VPS13B: variants seen among roughly 807,000 people sequenced by gnomAD.
VPS13B encodes the protein vacuolar protein sorting 13 homolog B, also known as intermembrane lipid transfer protein VPS13B.
Under a neutral mutation model 426.4 loss-of-function variants are expected in VPS13B, and 285 were observed. That is an observed-to-expected ratio of 0.67 (90% CI 0.61 to 0.74). The LOEUF (loss-of-function observed/expected upper bound fraction) is 0.74. VPS13B is among the 30% of genes least tolerant of loss of function. The probability of loss-of-function intolerance (pLI) is 0.00; values close to 1 mark genes in which losing one functional copy is unlikely to be tolerated. For missense variants in VPS13B, 4,537 were observed against 4,782.6 expected, an observed-to-expected ratio of 0.95 and a Z score of 1.51; for synonymous variants, 1,676 against 1,676.4, an observed-to-expected ratio of 1.00 and a Z score of 0.01.
chr8:99,088,309 A>G (rs932963583), intron 3 of VPS13B, among the ~76,000 whole-genome samples: 1 of 151,852 alleles, frequency 6.6e-6, no homozygotes, highest in South Asian at 2.1e-4. Flanking sequence ...TATATGACTC[A>G]TGGTCAGGCA....
intron 19 of VPS13B, among the ~76,000 whole-genome samples, chr8:99,364,237 A>G (rs1375000528): frequency 6.6e-6 from 1 of 152,194 alleles, no homozygotes; most frequent in Non-Finnish European, 1.5e-5. Context: ...TTTTCTCCTT[A>G]ATTCTGTTGA....
At chr8:99,190,105 C>T (rs550910220) in intron 16 of VPS13B, among the ~76,000 whole-genome samples, 6 of 151,940 alleles carry the variant, frequency 3.9e-5, no homozygotes, top group African/African-American at 1.4e-4. Context: ...GTATGTATTT[C>T]GGAGATGTGT....
intron 19 of VPS13B, among the ~76,000 whole-genome samples, chr8:99,289,032 T>TGAATGA (rs1819585857): frequency 6.8e-6 from 1 of 146,654 alleles, no homozygotes; most frequent in Non-Finnish European, 1.5e-5. Flanking sequence ...CCCCTGCCTC[T>TGAATGA]ATGAATGAAT....
At chr8:99,771,416 C>G (rs971488448) in intron 40 of VPS13B, among the ~76,000 whole-genome samples, 2 of 152,146 alleles carry the variant, frequency 1.3e-5, no homozygotes, top group African/African-American at 4.8e-5. Context: ...AAAAATTAAA[C>G]CTCTGGCGAG....
At chr8:99,379,086 C>T (rs574675989) in intron 19 of VPS13B, among the ~76,000 whole-genome samples, 2 of 152,106 alleles carry the variant, frequency 1.3e-5, no homozygotes, top group East Asian at 1.9e-4. Flanking sequence ...GGAACGCAAA[C>T]CCTATTATGA....
chr8:99,357,850 C>T (rs1366991105), intron 19 of VPS13B, among the ~76,000 whole-genome samples: 1 of 152,190 alleles, frequency 6.6e-6, no homozygotes, highest in Non-Finnish European at 1.5e-5. Context: ...TCTTCATCAA[C>T]ATTAGTTAAA....
chr8:99,351,929 A>G lies in VPS13B; in HGVS notation c.2825-32279A>G, dbSNP rs77233985. On this transcript the variant is annotated intron_variant, in intron 19 of 61. Coordinates refer to ENST00000357162, the MANE Select transcript of VPS13B (RefSeq NM_152564.5). The stretch of plus-strand genomic sequence containing the variant: ...TATCCAGAAGGGAAAAGAGACATAT[A>G]TATTATTAATAAATCAGTGTGGTAG... Among the ~76,000 whole-genome samples the G allele has an allele frequency of 2.3e-3, 355 of 152,278 alleles. 9 individuals are homozygous for G. The East Asian group carries it at 0.049, about 21-fold the overall frequency.
intron 2 of VPS13B, among the ~76,000 whole-genome samples, chr8:99,032,193 T>C (rs768594545): frequency 3.9e-5 from 6 of 152,236 alleles, no homozygotes; most frequent in Non-Finnish European, 8.8e-5. Flanking sequence ...GGAGTTTCTG[T>C]ACCTCAGAAG....
chr8:99,667,891 C>T (rs1005264830), intron 35 of VPS13B, among the ~76,000 whole-genome samples: 1 of 152,048 alleles, frequency 6.6e-6, no homozygotes, highest in Non-Finnish European at 1.5e-5. Flanking sequence ...GAATAGGATA[C>T]TAAGAGGAAT....
intron 26 of VPS13B, 147 bp from the exon 27 acceptor site, chr8:99,502,689 T>C: frequency 1.4e-6 from 1 of 709,628 alleles, no homozygotes; most frequent in Non-Finnish European, 2.5e-6. Context: ...AGGCCTATGC[T>C]GATTTGCTTA....
intron 28 of VPS13B, among the ~76,000 whole-genome samples, chr8:99,508,093 T>C (rs1821593848): frequency 6.6e-6 from 1 of 152,166 alleles, no homozygotes; most frequent in African/African-American, 2.4e-5. Context: ...TGTTTCTGGG[T>C]CACTTGCATG....
rs116147815 is a variant in VPS13B at position 99,312,758 on chromosome 8, A to G, written c.2824+37504A>G. 3.3e-3 allele frequency among the ~76,000 whole-genome samples: 507 copies of G among 152,218 alleles called. 2 individuals carry two copies. The highest frequency in any genetic ancestry group is 0.011 in the African/African-American group (451 of 41,522). ...AAGTTCTCCGGATAATATCTTGCAG[A>G]TTGTTTTCTGACTTGGTTCCATTCT... On this transcript the variant is annotated intron_variant, in intron 19 of 61. Transcript: ENST00000357162.
At chr8:99,587,569 A>G (rs1254172122) in intron 33 of VPS13B, among the ~76,000 whole-genome samples, 2 of 151,678 alleles carry the variant, frequency 1.3e-5, no homozygotes, top group Non-Finnish European at 2.9e-5. Context: ...TTCTTTGATG[A>G]CCAGTGATGA....
chr8:99,261,618 T>C (rs1818041655), intron 17 of VPS13B, among the ~76,000 whole-genome samples: 1 of 152,184 alleles, frequency 6.6e-6, no homozygotes, highest in South Asian at 2.1e-4. Flanking sequence ...AATGTATGTT[T>C]AGTTTTGTAT....
At chr8:99,640,049 G>GAAGAAGAAGAAGAAGAAGAAGA (rs1299280170) in intron 33 of VPS13B, among the ~76,000 whole-genome samples, 2 of 99,724 alleles carry the variant, frequency 2.0e-5, no homozygotes, top group African/African-American at 8.3e-5. Context: ...AGAAGAAGAA[G>GAAGAAGAAGAAGAAGAAGAAGA]AGAAAAGAAA....
At chr8:99,423,776 A>G (rs575298071) in intron 21 of VPS13B, among the ~76,000 whole-genome samples, 97 of 152,164 alleles carry the variant, frequency 6.4e-4, no homozygotes, top group Non-Finnish European at 1.1e-3. Context: ...TCTGAGAGAC[A>G]GTTTGTTATA....
chr8:99,233,188 T>G, intron 17 of VPS13B: 1 of 1,395,056 alleles, frequency 7.2e-7, no homozygotes, highest in East Asian at 2.3e-5. Flanking sequence ...CACTTCCTCA[T>G]TTTCATCGGG....
At chr8:99,450,382 A>G (rs1490292016) in intron 23 of VPS13B, among the ~76,000 whole-genome samples, 2 of 152,202 alleles carry the variant, frequency 1.3e-5, no homozygotes, top group Non-Finnish European at 2.9e-5. Flanking sequence ...TACTCCCACC[A>G]TCTGACTCTG....
chr8:99,687,514 C>G (rs1384619781), intron 35 of VPS13B, among the ~76,000 whole-genome samples: 1 of 151,922 alleles, frequency 6.6e-6, no homozygotes, highest in Admixed American at 6.6e-5. Flanking sequence ...CAGGTTCTGC[C>G]CACAGGATGG....
Sources: gnomAD v4.1 joint callset for allele counts (sites outside exome capture counted in the v4.1 genomes callset) on GRCh38, gnomAD v4.1.1 for gene constraint, MANE v1.5 for transcripts, NCBI Gene and HGNC (gene_info 2026-07-23, HGNC 2026-07-21) for gene names.